GPRC5B: variants seen among roughly 807,000 people sequenced by gnomAD.
GPRC5B encodes G protein-coupled receptor class C group 5 member B.
A neutral mutation model predicts 30.1 loss-of-function variants in GPRC5B; 16 were observed. The observed-to-expected ratio is 0.53, with a 90% CI of 0.36 to 0.81. GPRC5B has a LOEUF of 0.81. Among genes scored for constraint, GPRC5B ranks in the 30% least tolerant of loss-of-function variants. The pLI is 0.01. For missense variants in GPRC5B, 428 were observed against 544.7 expected (o/e 0.79, Z 2.13); for synonymous variants, 241 against 239.5 (o/e 1.01, Z -0.06).
At chr16:19,867,778 G>A (rs987910819) in intron 2 of GPRC5B, among the ~76,000 whole-genome samples, 2 of 151,406 alleles carry the variant, frequency 1.3e-5, no homozygotes, top group East Asian at 2.0e-4. Context: ...AAGGCCGGGC[G>A]TGGTGGCTCA....
intron 1 of GPRC5B, among the ~76,000 whole-genome samples, chr16:19,876,929 A>G (rs571963621): frequency 4.6e-5 from 7 of 152,322 alleles, no homozygotes; most frequent in Admixed American, 1.3e-4. Context: ...GGCCAATCAG[A>G]GCATTTATGC....
chr16:19,876,021 C>T (rs1292640), intron 1 of GPRC5B, among the ~76,000 whole-genome samples: 55,882 of 152,050 alleles, frequency 0.37, 10,628 homozygotes, highest in African/African-American at 0.46. Context: ...GACATCTCAT[C>T]AATGGCCAGC....
chr16:19,874,566 T>G (rs1342743430), intron 1 of GPRC5B, among the ~76,000 whole-genome samples: 1 of 152,202 alleles, frequency 6.6e-6, no homozygotes, highest in Non-Finnish European at 1.5e-5. Flanking sequence ...ACGACTGACA[T>G]TTGGGCTGGG....
intron 1 of GPRC5B, among the ~76,000 whole-genome samples, chr16:19,875,262 A>G (rs756024254): frequency 2.6e-5 from 4 of 152,206 alleles, no homozygotes; most frequent in Non-Finnish European, 5.9e-5. Context: ...CCGCCCCAGC[A>G]TCCTGCTCAG....
At position 19,858,122 on chromosome 16, in the gene GPRC5B, G is replaced by A; in HGVS notation, c.*2378C>T. 1 of 185,712 alleles carries A rather than the reference G, an allele frequency of 5.4e-6. No individual in the cohort carries two copies. The highest frequency in any genetic ancestry group is 1.1e-5 in the Non-Finnish European group (1 of 90,522). 11.5% of individuals were successfully genotyped at this position (185,712 alleles called of 1,614,324 possible). A position where few individuals can be genotyped will look rare whatever the true frequency, so the allele number is the denominator to read the frequency against. On this transcript the variant is annotated 3_prime_UTR_variant, in exon 4 of 4. Coordinates refer to ENST00000300571, the MANE Select transcript of GPRC5B (RefSeq NM_016235.3). ...ATTTTGTCTTTAAACCTTGCTCCAC[G>A]GGGGGCAGCTGGCTGCTACAGTCTC...
intron 2 of GPRC5B, 179 bp from the exon 3 acceptor site, chr16:19,862,152 T>C (rs1262779643): frequency 5.0e-6 from 3 of 595,982 alleles, no homozygotes; most frequent in South Asian, 4.0e-5. Flanking sequence ...TCTCAGGCTC[T>C]CTAGGAGCCT....
At chr16:19,877,421 T>C (rs1567211498) in intron 1 of GPRC5B, among the ~76,000 whole-genome samples, 1 of 152,180 alleles carries the variant, frequency 6.6e-6, no homozygotes, top group Non-Finnish European at 1.5e-5. Flanking sequence ...AAGTGGGTCA[T>C]TATCATTGCC....
At chr16:19,869,561 G>T (rs1006903417) in intron 2 of GPRC5B, among the ~76,000 whole-genome samples, 7 of 152,016 alleles carry the variant, frequency 4.6e-5, no homozygotes, top group Non-Finnish European at 1.0e-4. Flanking sequence ...AATAGCAGGG[G>T]ATTTGGGTTC....
intron 1 of GPRC5B, 117 bp downstream of exon 1, chr16:19,884,610 G>C (rs1327281684): frequency 7.7e-5 from 58 of 750,230 alleles, no homozygotes; most frequent in Non-Finnish European, 9.4e-5. Flanking sequence ...GCTTGGGTTG[G>C]GGGGGCGCTT....
At chr16:19,879,916 C>G (rs923393611) in intron 1 of GPRC5B, among the ~76,000 whole-genome samples, 10 of 152,194 alleles carry the variant, frequency 6.6e-5, no homozygotes, top group Admixed American at 4.6e-4. Flanking sequence ...AGGCAAATCG[C>G]TTGAGCCCAG....
intron 1 of GPRC5B, among the ~76,000 whole-genome samples, chr16:19,880,117 C>A (rs577078753): frequency 6.6e-6 from 1 of 151,020 alleles, no homozygotes; most frequent in South Asian, 2.1e-4. Context: ...TAGGTGACAG[C>A]ATAAAGACCC....
In GPRC5B at chr16:19,861,926, T is replaced by G. The variant is rs533922181; in HGVS notation, c.1078A>C (p.Ser360Arg). The G allele has an allele frequency of 2.1e-5, 34 of 1,613,708 alleles. No individual in the cohort carries two copies. The African/African-American group carries it at 2.3e-4, about 11-fold the overall frequency. The change falls in exon 3 of 4, where the codon AGT becomes CGT. Residue 360 changes from serine to arginine, a missense_variant. This residue lies in a region of GPRC5B where 213 missense variants were observed against 229.1 expected (regional missense o/e 0.93). Coordinates refer to ENST00000300571, the MANE Select transcript of GPRC5B (RefSeq NM_016235.3). ...CTGGGTCTTTTCCCCAAGCTGCCAC[T>G]GGGTCTTTTTCCCAAGCTGCCGTTG... The part of the protein sequence containing the change: ...FPNGSLGKRP[S>R]GSLGKRPSAP...
At chr16:19,884,278 A>G (rs2141156503) in intron 1 of GPRC5B, among the ~76,000 whole-genome samples, 1 of 140,438 alleles carries the variant, frequency 7.1e-6, no homozygotes, top group East Asian at 2.1e-4. Context: ...CCCAAAGTCC[A>G]GCCCTTGTGC....
Position 19,878,820 on chromosome 16 carries a change from C to G in GPRC5B, c.-2+5907G>C, listed in dbSNP as rs898640024. On this transcript the variant is annotated intron_variant, in intron 1 of 3. Coordinates refer to ENST00000300571, the MANE Select transcript of GPRC5B (RefSeq NM_016235.3). ...TCATTCCCATTTATAGAGGAGGAAA[C>G]TGAGGGTCTGAGAGGTTTACATCGA... is the stretch of plus-strand genomic sequence containing the variant. Among the ~76,000 whole-genome samples the G allele has an allele frequency of 4.6e-5, 7 of 152,132 alleles. 1 individual carries two copies. Among genetic ancestry groups the G allele is most frequent in the Non-Finnish European group, 1.0e-4 (7 of 68,022 alleles).
intron 2 of GPRC5B, among the ~76,000 whole-genome samples, chr16:19,870,576 G>A (rs1449531724): frequency 6.6e-6 from 1 of 152,224 alleles, no homozygotes; most frequent in East Asian, 1.9e-4. Flanking sequence ...GCAGACATCT[G>A]CCTCCAGGGC....
chr16:19,857,705 G>A lies in GPRC5B; in HGVS notation c.*2795C>T, dbSNP rs570180409. The A allele has an allele frequency of 2.2e-5, 4 of 185,342 alleles. No individual in the cohort carries two copies. The highest frequency in any genetic ancestry group is 6.5e-5 in the Admixed American group (1 of 15,344). The allele number at this position is 185,342 out of a possible 1,614,324, so 11.5% of individuals were successfully genotyped here. Reference sequence around the variant, plus strand: ...CCTTGGCCAACCGAGACCACCACCCGAGTTCACCCTTGTTCAGTGGGTCCT... The same window carrying A: ...CCTTGGCCAACCGAGACCACCACCCAAGTTCACCCTTGTTCAGTGGGTCCT... On this transcript the variant is annotated 3_prime_UTR_variant, in exon 4 of 4. Coordinates refer to ENST00000300571, the MANE Select transcript of GPRC5B (RefSeq NM_016235.3).
upstream of GPRC5B, chr16:19,885,394 C>T: frequency 8.6e-7 from 1 of 1,168,516 alleles, no homozygotes; most frequent in Non-Finnish European, 1.1e-6. The surrounding 1 kb of genome is among the most constrained non-coding windows in gnomAD (Gnocchi z 5.3). Context: ...GGCGCACACA[C>T]ACCGCTAGGC....
upstream of GPRC5B, chr16:19,885,460 C>T (rs2056842782): frequency 8.8e-7 from 1 of 1,135,016 alleles, no homozygotes; most frequent in African/African-American, 1.7e-5. The surrounding 1 kb of genome is among the most constrained non-coding windows in gnomAD (Gnocchi z 5.3). Context: ...CTGCCCAACT[C>T]CCAGATGTCG....
At chr16:19,873,516 C>T (rs1015622407) in intron 1 of GPRC5B, among the ~76,000 whole-genome samples, 11 of 149,708 alleles carry the variant, frequency 7.3e-5, no homozygotes, top group Non-Finnish European at 1.2e-4. Context: ...AAAAATGAAA[C>T]TTTAAAGACA....
Sources: gnomAD v4.1 joint callset for allele counts (sites outside exome capture counted in the v4.1 genomes callset) on GRCh38, gnomAD v4.1.1 for gene constraint, gnomAD v4.1.1 regional missense constraint, Gnocchi (gnomAD v3.1) non-coding constraint, MANE v1.5 for transcripts, NCBI Gene and HGNC (gene_info 2026-07-23, HGNC 2026-07-21) for gene names.